Variants in SPAG16 observed in about 807,000 individuals in gnomAD.
SPAG16 encodes sperm associated antigen 16, also known as sperm-associated antigen 16 protein.
In SPAG16, 86 loss-of-function variants were observed where a neutral mutation model predicts 80.4. The observed-to-expected ratio is 1.07, with a 90% CI of 0.90 to 1.28. The LOEUF is 1.28. Among genes scored for constraint, SPAG16 ranks in the 50% most tolerant of loss-of-function variants. The pLI is 0.00. For synonymous variants in SPAG16, 294 were observed against 265.9 expected (o/e 1.11, Z -1.03); for missense variants, 870 against 765.3 (o/e 1.14, Z -1.61).
chr2:214,243,903 T>A (rs1332527202), intron 15 of SPAG16, among the ~76,000 whole-genome samples: 1 of 152,128 alleles, frequency 6.6e-6, no homozygotes, highest in East Asian at 1.9e-4. Context: ...ACAGTCACCT[T>A]AGGGCCTGGG....
chr2:213,651,206 G>A (rs190977984), intron 10 of SPAG16, among the ~76,000 whole-genome samples: 201 of 152,292 alleles, frequency 1.3e-3, no homozygotes, highest in Non-Finnish European at 2.4e-3. Context: ...ATACAATTAT[G>A]TGAGCTGGTT....
At chr2:213,482,247 AAC>A (rs2073783479) in intron 9 of SPAG16, among the ~76,000 whole-genome samples, 1 of 152,248 alleles carries the variant, frequency 6.6e-6, no homozygotes, top group Non-Finnish European at 1.5e-5. Flanking sequence ...GGGGTGGCCA[AAC>A]ACATGCTGGC....
chr2:213,538,466 A>T (rs1295393194), intron 10 of SPAG16, among the ~76,000 whole-genome samples: 6 of 152,196 alleles, frequency 3.9e-5, no homozygotes, highest in Admixed American at 1.3e-4. Context: ...CTTTCTCTGT[A>T]ATTTAAAAGA....
intron 14 of SPAG16, among the ~76,000 whole-genome samples, chr2:214,143,052 T>A (rs570120005): frequency 2.0e-5 from 3 of 152,078 alleles, no homozygotes; most frequent in Non-Finnish European, 4.4e-5. Context: ...TAAAAATCGT[T>A]TTTTAGCCTC....
intron 10 of SPAG16, among the ~76,000 whole-genome samples, chr2:213,566,120 G>A (rs964139387): frequency 4.6e-5 from 7 of 152,128 alleles, no homozygotes; most frequent in Admixed American, 1.3e-4. Context: ...ATAAACTTCA[G>A]AGTATGGCAA....
intron 12 of SPAG16, among the ~76,000 whole-genome samples, chr2:214,008,048 C>T (rs1009467600): frequency 6.6e-6 from 1 of 152,058 alleles, no homozygotes; most frequent in Non-Finnish European, 1.5e-5. Context: ...ATTATTGAGA[C>T]TGTAATCCAT....
At chr2:214,131,263 G>A (rs891077310) in intron 14 of SPAG16, among the ~76,000 whole-genome samples, 2 of 151,842 alleles carry the variant, frequency 1.3e-5, no homozygotes, top group Non-Finnish European at 2.9e-5. Flanking sequence ...TAGTTGCTTC[G>A]GGAAGTTGAA....
chr2:213,508,445 G>A (rs13413013), intron 10 of SPAG16, among the ~76,000 whole-genome samples: 3,952 of 152,222 alleles, frequency 0.026, 164 homozygotes, highest in African/African-American at 0.088. Context: ...GGTGGCGGGC[G>A]CCTGTAGTCC....
In SPAG16 at chr2:214,014,007, T is replaced by A; in HGVS notation, c.1457T>A (p.Phe486Tyr). ...ACAGATTCTGTGAACAGCATTGAGT[T>A]TTTTCCTTTCTCCAATACTCTTCTC... ...GHTDSVNSIE[F>Y]FPFSNTLLTS... Residue 486 changes from phenylalanine to tyrosine, a missense_variant, in exon 13 of 16, where the codon TTT becomes TAT. Phe to Tyr is a conservative substitution (Grantham distance 22, BLOSUM62 3). Coordinates refer to ENST00000331683, the MANE Select transcript of SPAG16 (RefSeq NM_024532.5). 6.2e-7 allele frequency: 1 copy of A among 1,613,638 alleles called. No homozygotes were observed.
chr2:214,352,548 CT>C (rs1333830739), intron 15 of SPAG16, among the ~76,000 whole-genome samples: 3 of 8,204 alleles, frequency 3.7e-4, no homozygotes, highest in East Asian at 2.0e-3. Flanking sequence ...TTGTCCTTGA[CT>C]TTTTTTCTCT....
intron 13 of SPAG16, among the ~76,000 whole-genome samples, chr2:214,018,710 T>C (rs1388293803): frequency 1.3e-5 from 2 of 152,204 alleles, no homozygotes; most frequent in Non-Finnish European, 2.9e-5. Context: ...TGGTACATTT[T>C]GTCACCTCAA....
At chr2:214,295,242 A>T (rs1559190293) in intron 15 of SPAG16, among the ~76,000 whole-genome samples, 1 of 152,192 alleles carries the variant, frequency 6.6e-6, no homozygotes. Flanking sequence ...TATTCAACTA[A>T]TGGATCCATG....
chr2:214,280,215 G>A (rs6714666), intron 15 of SPAG16, among the ~76,000 whole-genome samples: 6,797 of 152,144 alleles, frequency 0.045, 407 homozygotes, highest in East Asian at 0.16. Context: ...TAAAAAACAT[G>A]CAGAAAAAAA....
chr2:213,962,164 C>T (rs1272800444), intron 12 of SPAG16, among the ~76,000 whole-genome samples: 1 of 151,622 alleles, frequency 6.6e-6, no homozygotes, highest in Non-Finnish European at 1.5e-5. Context: ...AGGGTAAAGC[C>T]CTAATCCAAT....
intron 10 of SPAG16, among the ~76,000 whole-genome samples, chr2:213,801,082 T>C (rs2071365681): frequency 6.6e-6 from 1 of 152,190 alleles, no homozygotes; most frequent in African/African-American, 2.4e-5. Context: ...GTATATGGAT[T>C]AAAACAAATG....
chr2:214,188,409 T>C (rs2057548053), intron 15 of SPAG16, among the ~76,000 whole-genome samples: 1 of 152,202 alleles, frequency 6.6e-6, no homozygotes, highest in South Asian at 2.1e-4. Flanking sequence ...TCTTTGTTTA[T>C]GCACAATCAT....
chr2:213,592,030 A>AT (rs2060710855), intron 10 of SPAG16, among the ~76,000 whole-genome samples: 1 of 152,228 alleles, frequency 6.6e-6, no homozygotes, highest in African/African-American at 2.4e-5. Flanking sequence ...TATTGTCATC[A>AT]TGTTTAAAAT....
At chr2:214,173,289 G>A (rs1184637497) in intron 15 of SPAG16, among the ~76,000 whole-genome samples, 1 of 152,030 alleles carries the variant, frequency 6.6e-6, no homozygotes, top group African/African-American at 2.4e-5. Flanking sequence ...GTGTGAGGAA[G>A]GGATCCAGTT....
chr2:213,520,874 G>A (rs1271829220), intron 10 of SPAG16, among the ~76,000 whole-genome samples: 2 of 152,184 alleles, frequency 1.3e-5, no homozygotes, highest in Non-Finnish European at 2.9e-5. Flanking sequence ...AAGATCAACA[G>A]TCAGTACTGC....
Sources: allele counts gnomAD v4.1 joint callset (sites outside exome capture counted in the v4.1 genomes callset), GRCh38; gene constraint gnomAD v4.1.1; transcripts MANE v1.5; gene names NCBI Gene and HGNC (gene_info 2026-07-23, HGNC 2026-07-21).